Variants in HELZ observed in about 807,000 individuals in gnomAD.
HELZ encodes the protein helicase with zinc finger, also known as ATP-dependent RNA helicase with zinc finger domain.
In HELZ, 23 loss-of-function variants were observed where a neutral mutation model predicts 218.2. The observed-to-expected ratio is 0.11, with a 90% CI of 0.08 to 0.15. HELZ has a LOEUF of 0.15. HELZ is among the 10% of genes least tolerant of loss of function. The pLI, the probability that HELZ is intolerant of heterozygous loss-of-function variation, is 1.00. For synonymous variants in HELZ, 814 were observed against 829.4 expected, an observed-to-expected ratio of 0.98 and a Z score of 0.32; for missense variants, 1,813 against 2,353.7, an observed-to-expected ratio of 0.77 and a Z score of 4.75.
chr17:67,180,379 T>C (rs950786026), intron 12 of HELZ, among the ~76,000 whole-genome samples: 1 of 151,968 alleles, frequency 6.6e-6, no homozygotes, highest in Non-Finnish European at 1.5e-5. Flanking sequence ...TACTCTGGAT[T>C]GATGGTCTGT....
intron 22 of HELZ, 138 bp from the exon 23 acceptor site, chr17:67,136,336 G>T: frequency 1.6e-6 from 1 of 638,594 alleles, no homozygotes; most frequent in Non-Finnish European, 2.7e-6. Flanking sequence ...AAACCCTTAT[G>T]CACTGCTGGT....
intron 17 of HELZ, among the ~76,000 whole-genome samples, chr17:67,156,202 T>C (rs2038838239): frequency 6.6e-6 from 1 of 151,980 alleles, no homozygotes; most frequent in Non-Finnish European, 1.5e-5. Flanking sequence ...TGCATGTGAT[T>C]TTTTAATAAA....
chr17:67,241,060 A>G (rs138697572), intron 2 of HELZ, among the ~76,000 whole-genome samples: 1,809 of 152,336 alleles, frequency 0.012, 12 homozygotes, highest in South Asian at 0.023. Flanking sequence ...CTTCTAGCCA[A>G]TGCTACAGAA....
At chr17:67,202,227 G>A (rs182830122) in intron 6 of HELZ, among the ~76,000 whole-genome samples, 43 of 150,910 alleles carry the variant, frequency 2.8e-4, no homozygotes, top group Admixed American at 2.1e-3. Context: ...TTACGAACTG[G>A]TTTAAAAAAA....
At chr17:67,219,347 G>A (rs1482883732) in intron 3 of HELZ, among the ~76,000 whole-genome samples, 1 of 152,160 alleles carries the variant, frequency 6.6e-6, no homozygotes, top group Non-Finnish European at 1.5e-5. Context: ...AACATTTCTC[G>A]AGGGCCAGGC....
intron 12 of HELZ, among the ~76,000 whole-genome samples, chr17:67,186,257 A>T (rs1598390480): frequency 6.6e-6 from 1 of 152,286 alleles, no homozygotes; most frequent in South Asian, 2.1e-4. Context: ...CATAATAGCT[A>T]CTATTAACTA....
At position 67,218,833 on chromosome 17, in the gene HELZ, G is replaced by C. The variant is rs778063699; in HGVS notation, c.-18-11C>G. The C allele has an allele frequency of 6.3e-7, 1 of 1,591,236 alleles. No homozygotes were observed. Among genetic ancestry groups the C allele is most frequent in the Non-Finnish European group, 8.6e-7 (1 of 1,159,752 alleles). Reference sequence around the variant, plus strand: ...TCAGGGACAAAAATCCTACAGACAGGGAGAAAGAACAAGAGAAGGTTTTTT... The same window carrying C: ...TCAGGGACAAAAATCCTACAGACAGCGAGAAAGAACAAGAGAAGGTTTTTT... On this transcript the variant is annotated splice_polypyrimidine_tract_variant and intron_variant, in intron 3 of 32. Transcript: ENST00000358691.
At chr17:67,125,343 T>C (rs11656956) in intron 24 of HELZ, among the ~76,000 whole-genome samples, 7,769 of 60,350 alleles carry the variant, frequency 0.13, 577 homozygotes, top group African/African-American at 0.2. Flanking sequence ...TATATATATA[T>C]ATACTTGTGA....
chr17:67,242,469 T>C (rs960875182), intron 2 of HELZ, among the ~76,000 whole-genome samples: 4 of 149,658 alleles, frequency 2.7e-5, no homozygotes, highest in African/African-American at 7.4e-5. Context: ...TACACACATA[T>C]ATACACATAT....
At position 67,108,760 on chromosome 17, in the gene HELZ, T is replaced by C. The variant is rs762871782; in HGVS notation, c.4490-34A>G. ...ATATTTGTGAAAAATTTTTTATGAA[T>C]TTGGGGTTTCAAGTTCATTATTTAA... On this transcript the variant is annotated intron_variant, in intron 29 of 32. Transcript: ENST00000358691. The surrounding 1 kb of genome is among the most constrained non-coding windows in gnomAD (Gnocchi z 4.1). 1.4e-6 allele frequency: 2 copies of C among 1,477,354 alleles called. No homozygotes were observed. Among genetic ancestry groups the C allele is most frequent in the Non-Finnish European group, 1.8e-6 (2 of 1,086,794 alleles). The allele number at this position is 1,477,354 out of a possible 1,614,324, so 91.5% of individuals were successfully genotyped here.
rs10692832 is a variant in HELZ, at chr17:67,212,314, C to CAAAAAAA, written c.247+3578_247+3584dup. Among the ~76,000 whole-genome samples the CAAAAAAA allele has an allele frequency of 9.4e-3, 201 of 21,392 alleles. 47 individuals are homozygous for CAAAAAAA. Among genetic ancestry groups the CAAAAAAA allele is most frequent in the South Asian group, 0.018 (4 of 228 alleles). 14.0% of individuals were successfully genotyped at this position (21,392 alleles called of 152,430 possible). A position where few individuals can be genotyped will look rare whatever the true frequency, so the allele number is the denominator to read the frequency against. The stretch of plus-strand genomic sequence containing the variant: ...TGGGCGACAGGGAGAGACACCATCT[C>CAAAAAAA]AAAAAAAAAAAAAAAAAAAAAGGCT... On this transcript the variant is annotated intron_variant, in intron 5 of 32. Coordinates refer to ENST00000358691, the MANE Select transcript of HELZ (RefSeq NM_014877.4).
chr17:67,158,670 C>A (rs1218098610), intron 17 of HELZ, among the ~76,000 whole-genome samples: 1 of 151,924 alleles, frequency 6.6e-6, no homozygotes, highest in African/African-American at 2.4e-5. Flanking sequence ...TGGGCTGAAC[C>A]ACTTTCGAGA....
In HELZ at chr17:67,161,003, G is replaced by A; in HGVS notation, c.1969C>T (p.Leu657Phe). ...KEAVLAITTP[L>F]AIQLPPVLII... is the part of the protein sequence containing the mutation. ...AGCACAGGCGGCAGCTGGATTGCAA[G>A]TGGAGTGGTAATGGCCAGAACAGCC... is the stretch of plus-strand genomic sequence containing the variant. The change falls in exon 16 of 33, where the codon CTT (leucine) becomes TTT (phenylalanine). Residue 657 changes from leucine (L) to phenylalanine (F), a missense_variant. Around this residue, in one of 4 missense-constraint regions of HELZ, gnomAD observed 714 missense variants for 1,029.2 expected, o/e 0.69. Coordinates refer to ENST00000358691, the MANE Select transcript of HELZ (RefSeq NM_014877.4). 1 of 1,613,874 alleles carries A rather than the reference G, an allele frequency of 6.2e-7. No homozygotes were observed. The highest frequency in any genetic ancestry group is 8.5e-7 in the Non-Finnish European group (1 of 1,179,830).
chr17:67,085,296 C>T (rs993131458), intron 32 of HELZ, among the ~76,000 whole-genome samples: 14 of 152,008 alleles, frequency 9.2e-5, no homozygotes, highest in South Asian at 6.2e-4. Flanking sequence ...GTGGCACATG[C>T]CTATAGTCCC....
chr17:67,141,109 G>A lies in HELZ; in HGVS notation c.2770-2995C>T, dbSNP rs372317405. On this transcript the variant is annotated intron_variant, in intron 21 of 32. Transcript: ENST00000358691. Reference sequence around the variant, plus strand: ...CTTCAGGCTGAAAGCAAGTGATACCGGACAATAATTCAAATCCACACAAAC... The same window carrying A: ...CTTCAGGCTGAAAGCAAGTGATACCAGACAATAATTCAAATCCACACAAAC... 8.7e-4 allele frequency among the ~76,000 whole-genome samples: 132 copies of A among 152,176 alleles called. 5 individuals carry two copies. The South Asian group carries it at 0.026, about 30-fold the overall frequency.
chr17:67,089,666 T>G (rs796344445), intron 31 of HELZ, among the ~76,000 whole-genome samples: 1,601 of 54,662 alleles, frequency 0.029, 13 homozygotes, highest in African/African-American at 0.052. Flanking sequence ...TATATATATA[T>G]ATAGAGAGAG....
At chr17:67,220,380 C>T (rs533937932) in intron 3 of HELZ, among the ~76,000 whole-genome samples, 1 of 152,252 alleles carries the variant, frequency 6.6e-6, no homozygotes, top group South Asian at 2.1e-4. Flanking sequence ...AGGGAGAGTT[C>T]AAAAAGGACT....
chr17:67,152,264 C>T (rs2038707374), intron 17 of HELZ, among the ~76,000 whole-genome samples: 1 of 152,162 alleles, frequency 6.6e-6, no homozygotes, highest in Admixed American at 6.6e-5. Flanking sequence ...AGAAGTCGTA[C>T]ACGTGATTAG....
chr17:67,200,883 C>T, intron 7 of HELZ: 1 of 430,280 alleles, frequency 2.3e-6, no homozygotes, highest in East Asian at 3.4e-5. Flanking sequence ...AATAAGATAC[C>T]AGTTCTGTCC....
Sources: gnomAD v4.1 joint callset for allele counts (sites outside exome capture counted in the v4.1 genomes callset) on GRCh38, gnomAD v4.1.1 for gene constraint, gnomAD v4.1.1 regional missense constraint, Gnocchi (gnomAD v3.1) non-coding constraint, MANE v1.5 for transcripts, NCBI Gene and HGNC (gene_info 2026-07-23, HGNC 2026-07-21) for gene names.